NCAM2: variants seen among roughly 807,000 people sequenced by gnomAD.
NCAM2 encodes the protein N-CAM-2.
A neutral mutation model predicts 98.1 loss-of-function variants in NCAM2; 30 were observed. The ratio of observed to expected loss-of-function variants is 0.31; its 90% CI spans 0.23 to 0.41. The LOEUF (loss-of-function observed/expected upper bound fraction) is 0.41. Among genes scored for constraint, NCAM2 ranks in the 10% least tolerant of loss-of-function variants. The probability of loss-of-function intolerance (pLI) is 1.00; values close to 1 mark genes in which losing one functional copy is unlikely to be tolerated. For synonymous variants in NCAM2, 368 were observed against 342.4 expected, an observed-to-expected ratio of 1.07 and a Z score of -0.83; for missense variants, 867 against 1,005.8, an observed-to-expected ratio of 0.86 and a Z score of 1.87.
intron 1 of NCAM2, among the ~76,000 whole-genome samples, chr21:21,045,846 G>T (rs796262779): frequency 2.0e-5 from 3 of 152,240 alleles, no homozygotes; most frequent in Admixed American, 6.5e-5. Flanking sequence ...TAGATATCTT[G>T]GGAAGTGTTG....
intron 5 of NCAM2, among the ~76,000 whole-genome samples, chr21:21,302,120 C>T (rs1181260878): frequency 5.3e-5 from 8 of 149,862 alleles, no homozygotes; most frequent in Non-Finnish European, 8.9e-5. Context: ...GGGTATATAC[C>T]CAAAGGACTA....
At chr21:21,133,168 AC>A (rs748502214) in intron 1 of NCAM2, among the ~76,000 whole-genome samples, 73 of 152,342 alleles carry the variant, frequency 4.8e-4, no homozygotes, top group Non-Finnish European at 8.4e-4. Context: ...ACAGTAAGCT[AC>A]AGTACAAACA....
intron 15 of NCAM2, among the ~76,000 whole-genome samples, chr21:21,497,976 G>A (rs1987363333): frequency 6.6e-6 from 1 of 151,872 alleles, no homozygotes; most frequent in Non-Finnish European, 1.5e-5. Flanking sequence ...AATAATATGT[G>A]GATGCTGTAA....
At chr21:21,522,651 G>GC (rs1989094645) in intron 16 of NCAM2, among the ~76,000 whole-genome samples, 1 of 42,048 alleles carries the variant, frequency 2.4e-5, no homozygotes, top group African/African-American at 6.6e-5. Context: ...TTTTTTTTGA[G>GC]ACAGAGTTTT....
In NCAM2 at chr21:21,477,394, C is replaced by G; in HGVS notation, c.2000C>G (p.Thr667Arg). ...QWTMGYEVQI[T>R]AANRLGYSEP... The stretch of plus-strand genomic sequence containing the variant: ...ACCATGGGGTATGAAGTTCAGATTA[C>G]AGCTGCCAATAGATTGGGATATTCT... The change falls in exon 15 of 18, where the codon ACA becomes AGA. Residue 667 changes from threonine (T) to arginine (R), a missense_variant. Transcript: ENST00000400546. The G allele has an allele frequency of 6.2e-7, 1 of 1,612,230 alleles. No homozygotes were observed. Among genetic ancestry groups the G allele is most frequent in the Non-Finnish European group, 8.5e-7 (1 of 1,178,730 alleles).
At chr21:21,175,217 A>G (rs1198704832) in intron 1 of NCAM2, among the ~76,000 whole-genome samples, 1 of 152,094 alleles carries the variant, frequency 6.6e-6, no homozygotes, top group East Asian at 1.9e-4. Flanking sequence ...TGGGTGGGGA[A>G]GGCTGATGAT....
At chr21:21,315,198 T>C (rs2074184091) in intron 5 of NCAM2, among the ~76,000 whole-genome samples, 1 of 152,162 alleles carries the variant, frequency 6.6e-6, no homozygotes, top group African/African-American at 2.4e-5. Flanking sequence ...CCTGCATGTG[T>C]ACCAATGGCC....
chr21:21,083,667 G>A (rs1778485215), intron 1 of NCAM2, among the ~76,000 whole-genome samples: 1 of 151,916 alleles, frequency 6.6e-6, no homozygotes, highest in African/African-American at 2.4e-5. Flanking sequence ...TGCCCACCCC[G>A]GCATCCCAAA....
chr21:21,069,061 A>T (rs1481986154), intron 1 of NCAM2, among the ~76,000 whole-genome samples: 1 of 152,186 alleles, frequency 6.6e-6, no homozygotes, highest in Admixed American at 6.5e-5. Context: ...TACTCTAGCT[A>T]ATTTGCATAT....
chr21:21,052,767 A>T (rs2065137760), intron 1 of NCAM2, among the ~76,000 whole-genome samples: 1 of 152,170 alleles, frequency 6.6e-6, no homozygotes. Context: ...TGGGGTTTCT[A>T]CTATAGTTAA....
At chr21:21,207,645 G>A (rs1640301070) in intron 1 of NCAM2, among the ~76,000 whole-genome samples, 1 of 152,044 alleles carries the variant, frequency 6.6e-6, no homozygotes, top group African/African-American at 2.4e-5. Context: ...TTGAGCTATG[G>A]GTTATGTAGA....
chr21:21,353,636 T>C (rs1167023308), intron 8 of NCAM2, among the ~76,000 whole-genome samples: 1 of 152,176 alleles, frequency 6.6e-6, no homozygotes, highest in East Asian at 1.9e-4. Flanking sequence ...AATATAGATT[T>C]CTTATATCAT....
chr21:21,207,891 C>T (rs2069504218), intron 1 of NCAM2, among the ~76,000 whole-genome samples: 1 of 152,180 alleles, frequency 6.6e-6, no homozygotes, highest in Non-Finnish European at 1.5e-5. Flanking sequence ...GCTTTAGTCT[C>T]TTCCTTTTCA....
At chr21:21,401,017 A>G (rs921221909) in intron 9 of NCAM2, among the ~76,000 whole-genome samples, 70 of 152,284 alleles carry the variant, frequency 4.6e-4, no homozygotes, top group East Asian at 5.8e-4. Flanking sequence ...TAAAGAAAAG[A>G]AAAAAAGGCC....
intron 16 of NCAM2, among the ~76,000 whole-genome samples, chr21:21,510,964 C>T (rs777424084): frequency 7.2e-5 from 11 of 152,000 alleles, no homozygotes; most frequent in Non-Finnish European, 1.6e-4. Flanking sequence ...TTCATAGCAC[C>T]ATAGATTACT....
intron 8 of NCAM2, among the ~76,000 whole-genome samples, chr21:21,349,230 A>G (rs933389158): frequency 6.6e-6 from 1 of 152,194 alleles, no homozygotes; most frequent in African/African-American, 2.4e-5. Flanking sequence ...ATAATTCTAT[A>G]GAAAAAATAT....
At chr21:21,161,591 G>C (rs977035106) in intron 1 of NCAM2, among the ~76,000 whole-genome samples, 3 of 151,752 alleles carry the variant, frequency 2.0e-5, no homozygotes, top group African/African-American at 7.3e-5. Flanking sequence ...ATGTGAGAGA[G>C]AGAGAGAGAG....
intron 1 of NCAM2, among the ~76,000 whole-genome samples, chr21:21,233,872 A>G (rs2070721514): frequency 1.3e-5 from 2 of 151,906 alleles, no homozygotes; most frequent in South Asian, 2.1e-4. Context: ...ATAGAGTGAA[A>G]TCTGGTGATA....
At chr21:21,426,046 A>T (rs2077207491) in intron 11 of NCAM2, among the ~76,000 whole-genome samples, 1 of 152,038 alleles carries the variant, frequency 6.6e-6, no homozygotes. Context: ...GTGTCCTTAT[A>T]TGGTGAAAGG....
Sources: gnomAD v4.1 joint callset for allele counts (sites outside exome capture counted in the v4.1 genomes callset) on GRCh38, gnomAD v4.1.1 for gene constraint, MANE v1.5 for transcripts, NCBI Gene and HGNC (gene_info 2026-07-23, HGNC 2026-07-21) for gene names.